LHFPL3: variants seen among roughly 807,000 people sequenced by gnomAD.
LHFPL3 encodes the protein LHFPL tetraspan subfamily member 3, also known as LHFPL tetraspan subfamily member 3 protein.
In LHFPL3, 5 loss-of-function variants were observed where a neutral mutation model predicts 19.3. The ratio of observed to expected loss-of-function variants is 0.26; its 90% CI spans 0.14 to 0.54. The LOEUF (loss-of-function observed/expected upper bound fraction) is 0.54. Among genes scored for constraint, LHFPL3 ranks in the 20% least tolerant of loss-of-function variants. The pLI, the probability that LHFPL3 is intolerant of heterozygous loss-of-function variation, is 0.94. For synonymous variants in LHFPL3, 133 were observed against 126.2 expected, an observed-to-expected ratio of 1.05 and a Z score of -0.36; for missense variants, 249 against 307.4, an observed-to-expected ratio of 0.81 and a Z score of 1.42.
At chr7:104,473,314 G>A (rs574142786) in intron 1 of LHFPL3, among the ~76,000 whole-genome samples, 3 of 152,274 alleles carry the variant, frequency 2.0e-5, no homozygotes, top group South Asian at 2.1e-4. Context: ...TCTTCACACA[G>A]ATTTCTCCAA....
At chr7:104,390,904 T>C (rs1437325506) in intron 1 of LHFPL3, among the ~76,000 whole-genome samples, 1 of 152,230 alleles carries the variant, frequency 6.6e-6, no homozygotes, top group Non-Finnish European at 1.5e-5. Context: ...TATCTCACTG[T>C]GGTTTTGATT....
chr7:104,555,336 C>G (rs956461073), intron 1 of LHFPL3, among the ~76,000 whole-genome samples: 2 of 152,126 alleles, frequency 1.3e-5, no homozygotes, highest in Non-Finnish European at 2.9e-5. Context: ...TTTATAAAGA[C>G]AAATCTAAGA....
chr7:104,672,058 A>T (rs55724630), intron 1 of LHFPL3, among the ~76,000 whole-genome samples: 10,632 of 148,772 alleles, frequency 0.071, 628 homozygotes, highest in African/African-American at 0.16. Context: ...TTAACTTCCA[A>T]GTGTGTGTGT....
chr7:104,613,485 A>C (rs1791247851), intron 1 of LHFPL3, among the ~76,000 whole-genome samples: 1 of 152,200 alleles, frequency 6.6e-6, no homozygotes, highest in South Asian at 2.1e-4. Flanking sequence ...GATTCTTTTG[A>C]AATTACCTCC....
chr7:104,345,740 G>A (rs568917004), intron 1 of LHFPL3, among the ~76,000 whole-genome samples: 5 of 151,998 alleles, frequency 3.3e-5, no homozygotes, highest in Admixed American at 2.0e-4. Context: ...GTTATGTGAT[G>A]TAAACATAAT....
intron 2 of LHFPL3, among the ~76,000 whole-genome samples, chr7:104,875,898 C>A (rs942080894): frequency 6.6e-6 from 1 of 152,198 alleles, no homozygotes; most frequent in Non-Finnish European, 1.5e-5. Flanking sequence ...TTGCACACTT[C>A]TCTCTCCCAC....
intron 1 of LHFPL3, among the ~76,000 whole-genome samples, chr7:104,586,847 CT>C (rs1162611620): frequency 6.6e-6 from 1 of 152,104 alleles, no homozygotes; most frequent in African/African-American, 2.4e-5. Flanking sequence ...AATCTGGAGG[CT>C]GCTGGAAGAC....
intron 2 of LHFPL3, among the ~76,000 whole-genome samples, chr7:104,875,605 G>A (rs941987697): frequency 2.6e-5 from 4 of 152,212 alleles, no homozygotes; most frequent in African/African-American, 9.7e-5. Flanking sequence ...TTCAATGGCA[G>A]TGGAAGTTTT....
In LHFPL3 at chr7:104,363,591, A is replaced by T. The variant is rs189228280; in HGVS notation, c.445+34367A>T. ...TGCTGGCTCTAGGCTGAGACAGGTG[A>T]GGTATCTGTGGCATCCACTCTCAGT... On this transcript the variant is annotated intron_variant, in intron 1 of 2. Transcript: ENST00000424859. Among the ~76,000 whole-genome samples, 26 of 152,294 alleles carry T rather than the reference A, an allele frequency of 1.7e-4. No homozygotes were observed. In the East Asian group the frequency reaches 4.8e-3, roughly 28 times the overall value.
chr7:104,691,945 T>C (rs2116137468), intron 1 of LHFPL3, among the ~76,000 whole-genome samples: 1 of 152,284 alleles, frequency 6.6e-6, no homozygotes, highest in South Asian at 2.1e-4. Context: ...GACAATGAAG[T>C]CAGGCTGATG....
In LHFPL3 at chr7:104,662,504, G is replaced by A. The variant is rs35503205; in HGVS notation, c.446-74171G>A. Among the ~76,000 whole-genome samples the A allele has an allele frequency of 5.2e-3, 786 of 152,238 alleles. 44 individuals are homozygous for A. The East Asian group carries it at 0.11, about 22-fold the overall frequency. On this transcript the variant is annotated intron_variant, in intron 1 of 2. Coordinates refer to ENST00000424859, the MANE Select transcript of LHFPL3 (RefSeq NM_199000.3). ...CAAAGTTACACAGCTAAAAAATGAA[G>A]GTGCCTAGGGTCAAATTCAGGCAGC...
chr7:104,343,283 G>C (rs921037609), intron 1 of LHFPL3, among the ~76,000 whole-genome samples: 5 of 151,880 alleles, frequency 3.3e-5, no homozygotes, highest in South Asian at 2.1e-4. Context: ...GGGAGGCTGA[G>C]GAGGGCGGAT....
chr7:104,632,955 G>T (rs1791670676), intron 1 of LHFPL3, among the ~76,000 whole-genome samples: 1 of 152,204 alleles, frequency 6.6e-6, no homozygotes, highest in Non-Finnish European at 1.5e-5. Flanking sequence ...TAGGGGGTTA[G>T]ATATGGAAAC....
intron 1 of LHFPL3, among the ~76,000 whole-genome samples, chr7:104,537,737 G>T (rs1794416014): frequency 1.3e-5 from 2 of 152,186 alleles, no homozygotes; most frequent in Admixed American, 1.3e-4. Context: ...AATAGATGAA[G>T]GATTATCATC....
At position 104,573,176 on chromosome 7, in the gene LHFPL3, G is replaced by A. The variant is rs967624612; in HGVS notation, c.446-163499G>A. 3.2e-4 allele frequency among the ~76,000 whole-genome samples: 48 copies of A among 152,176 alleles called. 1 individual carries two copies. Among genetic ancestry groups the A allele is most frequent in the African/African-American group, 1.1e-3 (45 of 41,444 alleles). On this transcript the variant is annotated intron_variant, in intron 1 of 2. Transcript: ENST00000424859. ...GCCTGTAATCCCAGCACTTTGGGAG[G>A]CCAAGGCGGGCGGATCACCTGAGGT...
At chr7:104,443,666 G>T (rs1282021685) in intron 1 of LHFPL3, among the ~76,000 whole-genome samples, 1 of 152,168 alleles carries the variant, frequency 6.6e-6, no homozygotes, top group Non-Finnish European at 1.5e-5. Flanking sequence ...CTTGACCCCT[G>T]GTAAGTGGTC....
In LHFPL3 at chr7:104,411,511, C is replaced by T. The variant is rs1397763062; in HGVS notation, c.445+82287C>T. On this transcript the variant is annotated intron_variant, in intron 1 of 2. Coordinates refer to ENST00000424859, the MANE Select transcript of LHFPL3 (RefSeq NM_199000.3). Reference sequence around the variant, plus strand: ...TCTTTGAAACATACAGGTAACATTCCTTTAAGGGCCCTACCCTTCTTCCTC... The same window carrying T: ...TCTTTGAAACATACAGGTAACATTCTTTTAAGGGCCCTACCCTTCTTCCTC... Among the ~76,000 whole-genome samples the T allele has an allele frequency of 3.9e-5, 6 of 152,026 alleles. No homozygotes were observed. In the East Asian group the frequency reaches 1.2e-3, roughly 29 times the overall value.
At chr7:104,715,658 T>A (rs1793371927) in intron 1 of LHFPL3, among the ~76,000 whole-genome samples, 1 of 152,212 alleles carries the variant, frequency 6.6e-6, no homozygotes, top group Non-Finnish European at 1.5e-5. Flanking sequence ...ATCATGTGAT[T>A]TTTATCCATT....
chr7:104,842,444 C>A (rs2116591301), intron 2 of LHFPL3, among the ~76,000 whole-genome samples: 1 of 152,254 alleles, frequency 6.6e-6, no homozygotes, highest in African/African-American at 2.4e-5. Context: ...CCATTGAACA[C>A]TTGACTAAAA....
Sources: allele counts gnomAD v4.1 joint callset (sites outside exome capture counted in the v4.1 genomes callset), GRCh38; gene constraint gnomAD v4.1.1; transcripts MANE v1.5; gene names NCBI Gene and HGNC (gene_info 2026-07-23, HGNC 2026-07-21).